Variants in GINS2 observed in about 807,000 individuals in gnomAD.
GINS2 encodes DNA replication complex GINS protein PSF2.
In GINS2, 23 loss-of-function variants were observed where a neutral mutation model predicts 21.2. The ratio of observed to expected loss-of-function variants is 1.08; its 90% confidence interval spans 0.78 to 1.53. The LOEUF is 1.53. GINS2 is among the 40% of genes most tolerant of loss of function. GINS2 has a pLI of 0.00. For synonymous variants in GINS2, 118 were observed against 85.6 expected, an observed-to-expected ratio of 1.38 and a Z score of -2.09; for missense variants, 323 against 233.9, an observed-to-expected ratio of 1.38 and a Z score of -2.49.
intron 2 of GINS2, among the ~76,000 whole-genome samples, chr16:85,686,961 C>G (rs1050732657): frequency 1.3e-5 from 2 of 152,244 alleles, no homozygotes; most frequent in African/African-American, 4.8e-5. Context: ...CACAGTGGCT[C>G]ACGCCTATAA....
At chr16:85,679,395 C>CGT (rs1332320787) in intron 3 of GINS2, among the ~76,000 whole-genome samples, 1 of 152,200 alleles carries the variant, frequency 6.6e-6, no homozygotes, top group Non-Finnish European at 1.5e-5. Context: ...TGAAGAAAAA[C>CGT]TACACGATAA....
intron 2 of GINS2, among the ~76,000 whole-genome samples, chr16:85,684,072 AGC>A (rs2053755820): frequency 6.6e-6 from 1 of 152,356 alleles, no homozygotes; most frequent in Non-Finnish European, 1.5e-5. Context: ...GCCAAAAATG[AGC>A]CAGGCACAGT....
intron 2 of GINS2, among the ~76,000 whole-genome samples, chr16:85,682,765 G>A (rs182084361): frequency 1.3e-5 from 2 of 152,278 alleles, no homozygotes; most frequent in African/African-American, 4.8e-5. Context: ...CCTCTACAGA[G>A]AAACCTGTCC....
intron 2 of GINS2, among the ~76,000 whole-genome samples, chr16:85,684,122 G>A (rs144034012): frequency 6.6e-6 from 1 of 152,290 alleles, no homozygotes; most frequent in East Asian, 1.9e-4. Flanking sequence ...GGGAGACCGA[G>A]GTGGAAGCCC....
Position 85,687,510 on chromosome 16 carries a change from A to G in GINS2, c.155T>C (p.Leu52Pro). The G allele has an allele frequency of 6.3e-7, 1 of 1,596,926 alleles. No homozygotes were observed. Among genetic ancestry groups the G allele is most frequent in the Non-Finnish European group, 8.5e-7 (1 of 1,173,304 alleles). ...VEVPLWLAIN[L>P]KQRQKCRLLP... is the part of the protein sequence containing the mutation. Reference sequence around the variant, plus strand: ...CAGGCGACATTTCTGTCTTTGTTTCAGGTTAATCGCCAGCCACAGGGGCAC... The same window carrying G: ...CAGGCGACATTTCTGTCTTTGTTTCGGGTTAATCGCCAGCCACAGGGGCAC... Residue 52 changes from leucine to proline, a missense_variant, in exon 2 of 5, where the codon CTG becomes CCG. Transcript: ENST00000253462.
chr16:85,676,930 T>C lies in GINS2; in HGVS notation c.*1282A>G, dbSNP rs2053680101. 1 of 152,260 alleles carries C rather than the reference T, an allele frequency of 6.6e-6. No homozygotes were observed. Among genetic ancestry groups the C allele is most frequent in the Non-Finnish European group, 1.5e-5 (1 of 68,098 alleles). 9.4% of individuals were successfully genotyped at this position (152,260 alleles called of 1,614,324 possible). ...CCCAGGCAGGAGTACAGTGGTGCAA[T>C]CTTGGCTCACTACAACCTCCGCCTC... On this transcript the variant is annotated 3_prime_UTR_variant, in exon 5 of 5. Coordinates refer to ENST00000253462, the MANE Select transcript of GINS2 (RefSeq NM_016095.3).
In GINS2 at chr16:85,687,570, T is replaced by A; in HGVS notation, c.95A>T (p.Asp32Val). 1 of 1,544,718 alleles carries A rather than the reference T, an allele frequency of 6.5e-7. No homozygotes were observed. Among genetic ancestry groups the A allele is most frequent in the African/African-American group, 1.4e-5 (1 of 71,720 alleles). ...SLDKIYLIGG[D>V]LGPFNPGLPV... ...TAAACCAGGGTTAAAAGGCCCCAGGTCCCCCTGCCAAAAGTAAAACAATTC... is the reference window on the plus strand; with the variant it reads ...TAAACCAGGGTTAAAAGGCCCCAGGACCCCCTGCCAAAAGTAAAACAATTC... The change falls in exon 2 of 5, where the codon GAC becomes GTC. Residue 32 changes from aspartate (D) to valine (V), a missense_variant. By Grantham distance (152) the Asp-to-Val change is radical (BLOSUM62 -3). Transcript: ENST00000253462.
chr16:85,678,852 T>A (rs1598757871), intron 3 of GINS2, among the ~76,000 whole-genome samples, 186 bp from the exon 4 acceptor site: 1 of 152,222 alleles, frequency 6.6e-6, no homozygotes, highest in Non-Finnish European at 1.5e-5. Context: ...GTGATCCACA[T>A]GGAGTTTCTT....
rs200872427 is a variant in GINS2, at chr16:85,678,372, G to C, written c.433-35C>G. The C allele has an allele frequency of 3.7e-6, 6 of 1,610,888 alleles. No individual in the cohort carries two copies. The Admixed American group carries it at 5.0e-5, about 14-fold the overall frequency. ...GAAAACAGACCAAGTTGGCCAAGGA[G>C]TTTTTGATTTTGAGAAAAAGGTAAA... On this transcript the variant is annotated intron_variant, in intron 4 of 4. Coordinates refer to ENST00000253462, the MANE Select transcript of GINS2 (RefSeq NM_016095.3).
Position 85,688,889 on chromosome 16 carries a change from C to G in GINS2, c.10G>C (p.Ala4Pro), listed in dbSNP as rs1335106649. 2 of 1,539,910 alleles carry G rather than the reference C, an allele frequency of 1.3e-6. No homozygotes were observed. MDAAEVEFLAEKEL... is the reference protein window; with the variant it reads MDAPEVEFLAEKEL... ...TTCTCGGCGAGGAATTCGACCTCGG[C>G]AGCGTCCATGGCGGCGCGAGCTGCA... The change falls in exon 1 of 5, where the codon GCC becomes CCC. Residue 4 changes from alanine to proline, a missense_variant. Coordinates refer to ENST00000253462, the MANE Select transcript of GINS2 (RefSeq NM_016095.3).
chr16:85,688,759 C>A (rs1418776520), intron 1 of GINS2, 50 bp downstream of exon 1: 2 of 1,213,256 alleles, frequency 1.6e-6, no homozygotes, highest in Non-Finnish European at 2.3e-6. Flanking sequence ...GCGGGAGCCC[C>A]GGACGCGCCC....
intron 2 of GINS2, among the ~76,000 whole-genome samples, chr16:85,687,010 C>A (rs1441699414): frequency 6.6e-6 from 1 of 152,202 alleles, no homozygotes; most frequent in Non-Finnish European, 1.5e-5. Context: ...TCGCTTGACC[C>A]CAGGAGTTTG....
rs1480152161 is a variant in GINS2, at chr16:85,678,220, C to G, written c.550G>C (p.Asp184His). 2.5e-6 allele frequency: 4 copies of G among 1,613,444 alleles called. No individual in the cohort carries two copies. Among genetic ancestry groups the G allele is most frequent in the Non-Finnish European group, 3.4e-6 (4 of 1,179,938 alleles). The change falls in exon 5 of 5, where the codon GAC (aspartate) becomes CAC (histidine). Residue 184 changes from aspartate (D) to histidine (H), a missense_variant. Physicochemically the swap from Asp to His is moderately conservative, Grantham distance 81 (BLOSUM62 -1). Transcript: ENST00000253462. ...LQPLESTQSQ[D>H]F ...CTGCACCAGGCCTTTCTCTAGAAGT[C>G]CTGAGACTGAGTACTCTCCAGAGGC...
At position 85,677,682 on chromosome 16, in the gene GINS2, G is replaced by T. The variant is rs2053691604; in HGVS notation, c.*530C>A. The T allele has an allele frequency of 6.6e-6, 1 of 152,608 alleles. No individual in the cohort carries two copies. Among genetic ancestry groups the T allele is most frequent in the South Asian group, 2.1e-4 (1 of 4,832 alleles). 9.5% of individuals were successfully genotyped at this position (152,608 alleles called of 1,614,324 possible). On this transcript the variant is annotated 3_prime_UTR_variant, in exon 5 of 5. Transcript: ENST00000253462. Reference sequence around the variant, plus strand: ...ACCTAGAGAGTCAGAGCTGAGTTGGGTCCATTTTTATTGTGGATCAGGGCT... The same window carrying T: ...ACCTAGAGAGTCAGAGCTGAGTTGGTTCCATTTTTATTGTGGATCAGGGCT...
chr16:85,685,273 T>G (rs1251269314), intron 2 of GINS2, among the ~76,000 whole-genome samples: 1 of 152,216 alleles, frequency 6.6e-6, no homozygotes, highest in African/African-American at 2.4e-5. Flanking sequence ...CCTTGCCATG[T>G]TATCACCTGG....
chr16:85,683,123 C>T (rs1002156069), intron 2 of GINS2, among the ~76,000 whole-genome samples: 1 of 152,046 alleles, frequency 6.6e-6, no homozygotes, highest in Non-Finnish European at 1.5e-5. Context: ...CTTAAATGAT[C>T]ACTGTCCCCT....
In GINS2 at chr16:85,688,313, C is replaced by T. The variant is rs188918454; in HGVS notation, c.90+496G>A. Among the ~76,000 whole-genome samples, 305 of 152,176 alleles carry T rather than the reference C, an allele frequency of 2.0e-3. 1 individual carries two copies. The highest frequency in any genetic ancestry group is 0.01 in the Middle Eastern group (3 of 292). On this transcript the variant is annotated intron_variant, in intron 1 of 4. Coordinates refer to ENST00000253462, the MANE Select transcript of GINS2 (RefSeq NM_016095.3). Reference sequence around the variant, plus strand: ...CTGTCATCCCAGCACTTTGGGAGGCCGAGGCGAGTGGCTCATGAGGTCAGG... The same window carrying T: ...CTGTCATCCCAGCACTTTGGGAGGCTGAGGCGAGTGGCTCATGAGGTCAGG...
At chr16:85,681,711 A>G (rs1345087978) in intron 2 of GINS2, 30 bp from the exon 3 acceptor site, 7 of 1,327,216 alleles carry the variant, frequency 5.3e-6, no homozygotes, top group South Asian at 3.6e-5. Context: ...ACATTTTACC[A>G]TCATTATAAC....
Position 85,677,063 on chromosome 16 carries a change from G to T in GINS2, c.*1149C>A, listed in dbSNP as rs1312560049. ...TTTTTTTGTATTTTTAATAGAGACG[G>T]GGTTTCACCATGTTAGCCAGGATAG... On this transcript the variant is annotated 3_prime_UTR_variant, in exon 5 of 5. Coordinates refer to ENST00000253462, the MANE Select transcript of GINS2 (RefSeq NM_016095.3). 2.0e-5 allele frequency: 3 copies of T among 151,854 alleles called. No individual in the cohort carries two copies. Among genetic ancestry groups the T allele is most frequent in the African/African-American group, 4.8e-5 (2 of 41,328 alleles). 9.4% of individuals were successfully genotyped at this position (151,854 alleles called of 1,614,324 possible). A position where few individuals can be genotyped will look rare whatever the true frequency, so the allele number is the denominator to read the frequency against.
Sources: gnomAD v4.1 joint callset for allele counts (sites outside exome capture counted in the v4.1 genomes callset) on GRCh38, gnomAD v4.1.1 for gene constraint, MANE v1.5 for transcripts, NCBI Gene and HGNC (gene_info 2026-07-23, HGNC 2026-07-21) for gene names.